Variants in ACSF2 observed in about 807,000 individuals in gnomAD.
The protein encoded by ACSF2 is medium-chain acyl-CoA ligase ACSF2, mitochondrial.
In ACSF2, 52 loss-of-function variants were observed where a neutral mutation model predicts 79.3. The ratio of observed to expected loss-of-function variants is 0.66; its 90% CI spans 0.53 to 0.83. ACSF2 has a LOEUF of 0.83. Among genes scored for constraint, ACSF2 ranks in the 40% least tolerant of loss-of-function variants. The pLI is 0.00. For synonymous variants in ACSF2, 283 were observed against 312.6 expected, an observed-to-expected ratio of 0.91 and a Z score of 1.00; for missense variants, 661 against 803.3, an observed-to-expected ratio of 0.82 and a Z score of 2.14.
rs544648974 is a variant in ACSF2, at chr17:50,461,415, C to T, written c.453+45C>T. 2.5e-5 allele frequency: 40 copies of T among 1,612,142 alleles called. No homozygotes were observed. The South Asian group carries it at 4.4e-4, about 18-fold the overall frequency. ...GCACAGCTTGGTGTGCATGGGGGAA[C>T]ATCACTGAAGGGGAGCCCCTCAGGC... On this transcript the variant is annotated intron_variant, in intron 3 of 15. Coordinates refer to ENST00000300441, the MANE Select transcript of ACSF2 (RefSeq NM_025149.6).
chr17:50,429,548 C>T (rs918415551), intron 1 of ACSF2, among the ~76,000 whole-genome samples: 1 of 147,572 alleles, frequency 6.8e-6, no homozygotes, highest in Non-Finnish European at 1.5e-5. Flanking sequence ...GGTGGAATTT[C>T]GCTCTTGTTG....
intron 10 of ACSF2, chr17:50,464,503 C>T: frequency 1.4e-6 from 1 of 691,050 alleles, no homozygotes; most frequent in East Asian, 2.8e-5. Context: ...AAATATAATA[C>T]ATACATACAT....
Position 50,463,971 on chromosome 17 carries a change from C to T in ACSF2, c.1138+62C>T. Reference sequence around the variant, plus strand: ...GGGCTGCTTCCCCCACAGGAATGGCCCGGGTGAGTTAGCTATGCTCCCAGT... The same window carrying T: ...GGGCTGCTTCCCCCACAGGAATGGCTCGGGTGAGTTAGCTATGCTCCCAGT... On this transcript the variant is annotated intron_variant, in intron 9 of 15. Coordinates refer to ENST00000300441, the MANE Select transcript of ACSF2 (RefSeq NM_025149.6). The surrounding 1 kb of genome is among the most constrained non-coding windows in gnomAD (Gnocchi z 4.6). 1.5e-6 allele frequency: 2 copies of T among 1,319,606 alleles called. No individual in the cohort carries two copies. Among genetic ancestry groups the T allele is most frequent in the Non-Finnish European group, 2.0e-6 (2 of 976,680 alleles). 81.7% of individuals were successfully genotyped at this position (1,319,606 alleles called of 1,614,324 possible). A position where few individuals can be genotyped will look rare whatever the true frequency, so the allele number is the denominator to read the frequency against.
chr17:50,433,076 C>T (rs973299057), intron 1 of ACSF2, among the ~76,000 whole-genome samples: 9 of 151,906 alleles, frequency 5.9e-5, no homozygotes, highest in Admixed American at 5.3e-4. Flanking sequence ...TATACACACA[C>T]ACGCACACAC....
chr17:50,470,805 A>G (rs912205362), intron 10 of ACSF2: 4 of 467,142 alleles, frequency 8.6e-6, no homozygotes, highest in African/African-American at 3.9e-5. Context: ...CCTGCTCTCA[A>G]TTTTCTTTCA....
chr17:50,468,876 G>C lies in ACSF2; in HGVS notation c.1216-2152G>C. On this transcript the variant is annotated intron_variant, in intron 10 of 15. Coordinates refer to ENST00000300441, the MANE Select transcript of ACSF2 (RefSeq NM_025149.6). ...GGCGGCGGGGCGCGGGCAGCGGCGA[G>C]TCCTAGGCGCTCGGGTCTGCCGCCC... 4.9e-6 allele frequency: 7 copies of C among 1,440,922 alleles called. No homozygotes were observed. In the South Asian group the frequency reaches 1.0e-4, roughly 21 times the overall value. 89.3% of individuals were successfully genotyped at this position (1,440,922 alleles called of 1,614,324 possible).
chr17:50,465,132 C>A (rs374396819), intron 10 of ACSF2: 1 of 747,012 alleles, frequency 1.3e-6, no homozygotes. Flanking sequence ...TGGGCAGGAC[C>A]TTTTCCTCCC....
At chr17:50,451,276 G>T (rs922206943) in intron 1 of ACSF2, among the ~76,000 whole-genome samples, 1 of 151,972 alleles carries the variant, frequency 6.6e-6, no homozygotes, top group Non-Finnish European at 1.5e-5. Flanking sequence ...GTTCTTTTGG[G>T]CATATATTAT....
chr17:50,463,950 T>C lies in ACSF2; in HGVS notation c.1138+41T>C, dbSNP rs1567857616. On this transcript the variant is annotated intron_variant, in intron 9 of 15. Coordinates refer to ENST00000300441, the MANE Select transcript of ACSF2 (RefSeq NM_025149.6). The surrounding 1 kb of genome is among the most constrained non-coding windows in gnomAD (Gnocchi z 4.6). ...GGGCAGCCAGGCTTGGGGAGGGGGC[T>C]GCTTCCCCCACAGGAATGGCCCGGG... The C allele has an allele frequency of 1.3e-6, 2 of 1,577,602 alleles. No individual in the cohort carries two copies. Among genetic ancestry groups the C allele is most frequent in the African/African-American group, 1.4e-5 (1 of 73,782 alleles).
At chr17:50,460,526 G>A in intron 1 of ACSF2, 151 bp from the exon 2 acceptor site, 2 of 694,636 alleles carry the variant, frequency 2.9e-6, no homozygotes, top group Admixed American at 2.8e-5. Context: ...GGGTCTGGGG[G>A]ATTTTAGGCT....
In ACSF2 at chr17:50,471,519, GTTC is replaced by G. The variant is rs968569422; in HGVS notation, c.1323+393_1323+395del. ...GGTGCTCGCCTCTCGCTTTAGCAGA[GTTC>G]TTCTTCTTGCTTGGCGTAAACACTT... On this transcript the variant is annotated intron_variant, in intron 11 of 15. Transcript: ENST00000300441. This position sits in a 1 kb window ranked among gnomAD's most constrained non-coding sequence, Gnocchi z 4.1. 6.3e-5 allele frequency: 15 copies of G among 239,546 alleles called. No individual in the cohort carries two copies. The highest frequency in any genetic ancestry group is 1.6e-3 in the Middle Eastern group (1 of 616). The allele number at this position is 239,546 out of a possible 1,614,324, so 14.8% of individuals were successfully genotyped here. A position where few individuals can be genotyped will look rare whatever the true frequency, so the allele number is the denominator to read the frequency against.
intron 1 of ACSF2, among the ~76,000 whole-genome samples, chr17:50,454,210 C>T (rs989499618): frequency 2.9e-5 from 4 of 137,858 alleles, no homozygotes; most frequent in Non-Finnish European, 6.1e-5. Flanking sequence ...CAGGGTCTTG[C>T]TCTGTCACCC....
intron 2 of ACSF2, 42 bp from the exon 3 acceptor site, chr17:50,461,200 G>T: frequency 6.2e-7 from 1 of 1,613,196 alleles, no homozygotes; most frequent in Non-Finnish European, 8.5e-7. Flanking sequence ...GCCCCTTCCT[G>T]CTTGCCCCCT....
rs540610830 is a variant in ACSF2 at position 50,458,661 on chromosome 17, A to G, written c.129-2016A>G. On this transcript the variant is annotated intron_variant, in intron 1 of 15. Transcript: ENST00000300441. ...TTATCTCTGCAAGGACAGGGACTGTATTTGGCTTTGTTCATTTTTTACCAT... is the reference window on the plus strand; with the variant it reads ...TTATCTCTGCAAGGACAGGGACTGTGTTTGGCTTTGTTCATTTTTTACCAT... 7.4e-4 allele frequency among the ~76,000 whole-genome samples: 113 copies of G among 152,124 alleles called. 1 individual carries two copies. Among genetic ancestry groups the G allele is most frequent in the Non-Finnish European group, 1.2e-3 (80 of 67,978 alleles).
chr17:50,434,692 A>G (rs1224889089), intron 1 of ACSF2, among the ~76,000 whole-genome samples: 1 of 151,614 alleles, frequency 6.6e-6, no homozygotes, highest in Non-Finnish European at 1.5e-5. Flanking sequence ...TCTCAAAAAA[A>G]TAATTTTTTT....
At chr17:50,461,012 A>G in intron 2 of ACSF2, 140 bp downstream of exon 2, 1 of 1,178,638 alleles carries the variant, frequency 8.5e-7, no homozygotes, top group Non-Finnish European at 1.2e-6. Flanking sequence ...ATGGCAGGAG[A>G]AGGAGACAGG....
At chr17:50,460,899 G>T (rs1477567935) in intron 2 of ACSF2, 27 bp downstream of exon 2, 1 of 1,592,794 alleles carries the variant, frequency 6.3e-7, no homozygotes. Context: ...AAACCTCAAA[G>T]TGGGCAAGTA....
At chr17:50,442,995 C>A (rs1159423270) in intron 1 of ACSF2, among the ~76,000 whole-genome samples, 3 of 151,924 alleles carry the variant, frequency 2.0e-5, no homozygotes, top group African/African-American at 4.8e-5. Flanking sequence ...CTACAACCTC[C>A]GCCTCCTGGG....
At chr17:50,432,955 C>T (rs1194698122) in intron 1 of ACSF2, among the ~76,000 whole-genome samples, 2 of 152,150 alleles carry the variant, frequency 1.3e-5, no homozygotes, top group Non-Finnish European at 2.9e-5. Flanking sequence ...AGCCTTCATA[C>T]GTGTGTGAAA....
Sources: gnomAD v4.1 joint callset for allele counts (sites outside exome capture counted in the v4.1 genomes callset) on GRCh38, gnomAD v4.1.1 for gene constraint, Gnocchi (gnomAD v3.1) non-coding constraint, MANE v1.5 for transcripts, NCBI Gene and HGNC (gene_info 2026-07-23, HGNC 2026-07-21) for gene names.